ART3: variants seen among roughly 807,000 people sequenced by gnomAD.
ART3 encodes the protein ecto-ADP-ribosyltransferase 3.
ART3 carries 49 observed loss-of-function variants against 48.5 expected under a neutral mutation model. The ratio of observed to expected loss-of-function variants is 1.01; its 90% confidence interval spans 0.80 to 1.28. The LOEUF is 1.28. Among genes scored for constraint, ART3 ranks in the 50% most tolerant of loss-of-function variants. ART3 has a pLI of 0.00. For missense variants in ART3, 438 were observed against 454.3 expected, an observed-to-expected ratio of 0.96 and a Z score of 0.33; for synonymous variants, 145 against 157.2, an observed-to-expected ratio of 0.92 and a Z score of 0.58.
At chr4:76,017,423 C>G (rs577344093) in intron 1 of ART3, among the ~76,000 whole-genome samples, 18 of 152,062 alleles carry the variant, frequency 1.2e-4, no homozygotes, top group Admixed American at 1.0e-3. Context: ...AGCACTCTAT[C>G]CTACTGTGGC....
In ART3 at chr4:76,082,377, G is replaced by C. The variant is rs749585966; in HGVS notation, c.623G>C (p.Gly208Ala). 6.2e-7 allele frequency: 1 copy of C among 1,614,164 alleles called. No individual in the cohort carries two copies. The highest frequency in any genetic ancestry group is 1.1e-5 in the South Asian group (1 of 91,078). Residue 208 changes from glycine (G) to alanine (A), a missense_variant, in exon 3 of 12, where the codon GGA (glycine) becomes GCA (alanine). This residue lies in a region of ART3 where 227 missense variants were observed against 229.6 expected (regional missense o/e 0.99). Transcript: ENST00000355810. ...GTGTTATCCATCTACACATGCCTTG[G>C]AGTTGACATTGAAAATTTTCTTGAT... ...LTVLSIYTCL[G>A]VDIENFLDKE... is the part of the protein sequence containing the mutation.
intron 5 of ART3, chr4:76,099,680 C>G (rs569019778): frequency 6.5e-6 from 1 of 153,664 alleles, no homozygotes; most frequent in East Asian, 1.9e-4. Context: ...TATGCAGATG[C>G]TTGATGTTTA....
intron 1 of ART3, chr4:76,034,518 C>A: frequency 1.9e-6 from 1 of 521,262 alleles, no homozygotes; most frequent in Non-Finnish European, 3.3e-6. Flanking sequence ...ACCAGCCTTT[C>A]TTAAGGTAGC....
In ART3 at chr4:76,091,246, A is replaced by G. The variant is rs189344253; in HGVS notation, c.782-6398A>G. 1.9e-4 allele frequency among the ~76,000 whole-genome samples: 29 copies of G among 152,310 alleles called. No individual in the cohort carries two copies. In the East Asian group the frequency reaches 5.4e-3, roughly 28 times the overall value. ...TTGTATGGACATATGCTTTCATTAC[A>G]CTTGAGTAAATGCCTAGGAATGCAT... On this transcript the variant is annotated intron_variant, in intron 3 of 11. Coordinates refer to ENST00000355810, the MANE Select transcript of ART3 (RefSeq NM_001130016.3).
intron 1 of ART3, among the ~76,000 whole-genome samples, chr4:76,068,981 T>C (rs553313900): frequency 6.6e-6 from 1 of 152,240 alleles, no homozygotes. Context: ...TGTGTACAGA[T>C]TTGTGCAACC....
chr4:76,112,599 T>C lies in ART3; in HGVS notation c.*80T>C. ...ACAGGAGATCAAAAGGAATGATGTA[T>C]TTTTTACGTGTTGGCCAAAGTCACT... On this transcript the variant is annotated 3_prime_UTR_variant, in exon 12 of 12. Coordinates refer to ENST00000355810, the MANE Select transcript of ART3 (RefSeq NM_001130016.3). 7.0e-7 allele frequency: 1 copy of C among 1,430,900 alleles called. No homozygotes were observed. The highest frequency in any genetic ancestry group is 1.5e-5 in the South Asian group (1 of 68,654). 88.6% of individuals were successfully genotyped at this position (1,430,900 alleles called of 1,614,324 possible).
At chr4:76,076,010 T>TG in intron 2 of ART3, 52 bp downstream of exon 2, 1 of 1,535,454 alleles carries the variant, frequency 6.5e-7, no homozygotes, top group East Asian at 2.3e-5. Flanking sequence ...ATTCGTTTTT[T>TG]TTTTTTTTTG....
intron 11 of ART3, 53 bp downstream of exon 11, chr4:76,107,846 A>G: frequency 1.5e-6 from 2 of 1,362,106 alleles, no homozygotes; most frequent in Non-Finnish European, 2.0e-6. Context: ...TGTAATATAG[A>G]AAAAGTGAGA....
At position 76,082,019 on chromosome 4, in the gene ART3, A is replaced by G; in HGVS notation, c.265A>G (p.Asn89Asp). The change falls in exon 3 of 12, where the codon AAT (asparagine) becomes GAT (aspartate). Residue 89 changes from asparagine (N) to aspartate (D), a missense_variant. This residue lies in a region of ART3 where 206 missense variants were observed against 205.3 expected (regional missense o/e 1.00). Transcript: ENST00000355810. ...ARKTQIFLPMNFKDNHGIALM... is the reference protein window; with the variant it reads ...ARKTQIFLPMDFKDNHGIALM... ...AAAGACTCAAATCTTTCTCCCTATG[A>G]ATTTTAAGGATAACCATGGAATAGC... 1 of 1,614,240 alleles carries G rather than the reference A, an allele frequency of 6.2e-7. No homozygotes were observed. Among genetic ancestry groups the G allele is most frequent in the South Asian group, 1.1e-5 (1 of 91,088 alleles).
At chr4:76,088,518 C>T (rs1192632327) in intron 3 of ART3, among the ~76,000 whole-genome samples, 2 of 152,124 alleles carry the variant, frequency 1.3e-5, no homozygotes, top group South Asian at 2.1e-4. Context: ...GGTGAGCCTA[C>T]AGGACTATCC....
At chr4:76,101,082 G>T in intron 8 of ART3, 63 bp downstream of exon 8, 4 of 1,581,394 alleles carry the variant, frequency 2.5e-6, no homozygotes, top group Non-Finnish European at 3.5e-6. Flanking sequence ...TTACATGTGG[G>T]AACAGGGAAG....
intron 3 of ART3, 91 bp downstream of exon 3, chr4:76,082,626 G>A (rs1443141277): frequency 2.0e-6 from 2 of 1,017,206 alleles, no homozygotes; most frequent in Non-Finnish European, 2.8e-6. Flanking sequence ...AGTGAGAGGT[G>A]TTTGAAAGGT....
chr4:76,044,071 T>G (rs1735260045), intron 1 of ART3, among the ~76,000 whole-genome samples: 1 of 151,898 alleles, frequency 6.6e-6, no homozygotes, highest in South Asian at 2.1e-4. Context: ...TAAGACCATC[T>G]GTAGCTTGAT....
At chr4:76,016,734 G>C (rs549553159) in intron 1 of ART3, among the ~76,000 whole-genome samples, 2 of 152,298 alleles carry the variant, frequency 1.3e-5, no homozygotes, top group African/African-American at 4.8e-5. Flanking sequence ...AAAAACCTTA[G>C]ATATCTCCCT....
intron 3 of ART3, among the ~76,000 whole-genome samples, chr4:76,096,169 C>T (rs1188296210): frequency 1.3e-5 from 2 of 152,150 alleles, no homozygotes; most frequent in African/African-American, 2.4e-5. Flanking sequence ...GTGATCCACC[C>T]GCCCTTGGTC....
intron 1 of ART3, among the ~76,000 whole-genome samples, chr4:76,019,192 G>A (rs1412762867): frequency 6.6e-6 from 1 of 151,858 alleles, no homozygotes; most frequent in Non-Finnish European, 1.5e-5. Flanking sequence ...GTGTGTTTTT[G>A]TAATACTCAG....
intron 1 of ART3, among the ~76,000 whole-genome samples, chr4:76,038,696 ATTATTTATTTATTTATTTAT>A (rs58279842): frequency 3.3e-5 from 5 of 149,410 alleles, no homozygotes; most frequent in Admixed American, 2.7e-4. Context: ...TCCACCCTTG[ATTATTTATTTATTTATTTAT>A]TTATTTATTT....
intron 1 of ART3, among the ~76,000 whole-genome samples, chr4:76,069,126 G>C (rs1276663590): frequency 7.0e-6 from 1 of 143,496 alleles, no homozygotes; most frequent in Non-Finnish European, 1.5e-5. Context: ...TGCTGGGAAA[G>C]GCAAAACTGG....
rs780169050 is a variant in ART3, at chr4:76,081,845, A to G, written c.91A>G (p.Met31Val). 58 of 1,613,796 alleles carry G rather than the reference A, an allele frequency of 3.6e-5. 1 individual carries two copies. The South Asian group carries it at 4.7e-4, about 13-fold the overall frequency. Residue 31 changes from methionine to valine, a missense_variant, in exon 3 of 12, where the codon ATG becomes GTG. By Grantham distance (21) the Met-to-Val change is conservative. This residue lies in a region of ART3 where 206 missense variants were observed against 205.3 expected (regional missense o/e 1.00). Coordinates refer to ENST00000355810, the MANE Select transcript of ART3 (RefSeq NM_001130016.3). ...GAAGGTGAAGGCTGAAGTGTTAGAC[A>G]TGGCAGATAATGCATTTGATGATGA... Reference protein sequence around the residue: ...IFQVKAEVLDMADNAFDDEYL... With the variant: ...IFQVKAEVLDVADNAFDDEYL...
Sources: gnomAD v4.1 joint callset for allele counts (sites outside exome capture counted in the v4.1 genomes callset) on GRCh38, gnomAD v4.1.1 for gene constraint, gnomAD v4.1.1 regional missense constraint, MANE v1.5 for transcripts, NCBI Gene and HGNC (gene_info 2026-07-23, HGNC 2026-07-21) for gene names.